CD99L2: variants seen among roughly 807,000 people sequenced by gnomAD.
CD99L2 encodes the protein CD99 molecule like 2.
A neutral mutation model predicts 27.3 loss-of-function variants in CD99L2; 24 were observed. The ratio of observed to expected loss-of-function variants is 0.88; its 90% CI spans 0.64 to 1.24. The LOEUF is 1.24. CD99L2 is among the 50% of genes most tolerant of loss of function. The pLI, the probability that CD99L2 is intolerant of heterozygous loss-of-function variation, is 0.00. For missense variants in CD99L2, 255 were observed against 221.6 expected, an observed-to-expected ratio of 1.15 and a Z score of -0.96; for synonymous variants, 97 against 87.9, an observed-to-expected ratio of 1.10 and a Z score of -0.58.
intron 4 of CD99L2, among the ~76,000 whole-genome samples, chrX:150,798,144 A>AGGG (rs2045831528): frequency 5.5e-5 from 2 of 36,045 alleles, no homozygotes; most frequent in African/African-American, 2.8e-4. Flanking sequence ...GGAAGGAAGG[A>AGGG]AGGGAGGGAG....
In CD99L2 at chrX:150,897,526, A is replaced by AGTGTGTGTGT. The variant is rs58656065; in HGVS notation, c.67+986_67+995dup. Among the ~76,000 whole-genome samples the AGTGTGTGTGT allele has an allele frequency of 6.1e-3, 633 of 103,828 alleles. 3 individuals carry two copies. Among genetic ancestry groups the AGTGTGTGTGT allele is most frequent in the African/African-American group, 0.021 (600 of 28,423 alleles). 90.2% of individuals were successfully genotyped at this position (103,828 alleles called of 115,157 possible). ...TTACTAGAACTCAGTACTAGGACAA[A>AGTGTGTGTGT]GTGTGTGTGTGTGTGTGTGTGTGTG... On this transcript the variant is annotated intron_variant, in intron 1 of 10. Coordinates refer to ENST00000370377, the MANE Select transcript of CD99L2 (RefSeq NM_031462.4).
chrX:150,819,863 C>T (rs1465861842), intron 2 of CD99L2, among the ~76,000 whole-genome samples: 1 of 111,697 alleles, frequency 9.0e-6, no homozygotes, highest in Non-Finnish European at 1.9e-5. Flanking sequence ...CCAAAAACTT[C>T]CCACAAATAA....
intron 1 of CD99L2, among the ~76,000 whole-genome samples, chrX:150,837,511 G>A (rs955216400): frequency 1.8e-5 from 2 of 111,970 alleles, no homozygotes; most frequent in African/African-American, 6.5e-5. Context: ...GCCTCCCAAA[G>A]TGCTGGGATT....
At chrX:150,787,418 G>A (rs2045611207) in intron 7 of CD99L2, among the ~76,000 whole-genome samples, 1 of 110,911 alleles carries the variant, frequency 9.0e-6, no homozygotes, top group Admixed American at 9.6e-5. Flanking sequence ...AAAAGGTAGG[G>A]GTCCAGCTTC....
chrX:150,874,054 C>T (rs1333227013), intron 1 of CD99L2, among the ~76,000 whole-genome samples: 3 of 112,492 alleles, frequency 2.7e-5, no homozygotes, highest in Non-Finnish European at 5.6e-5. Flanking sequence ...CACCATAAAC[C>T]AAAGACCTAT....
chrX:150,843,913 A>G (rs1557421410), intron 1 of CD99L2, among the ~76,000 whole-genome samples: 1 of 111,434 alleles, frequency 9.0e-6, no homozygotes, highest in African/African-American at 3.3e-5. Flanking sequence ...AGAGCTATTT[A>G]TCAAAAAGGA....
chrX:150,770,416 G>C (rs185349630), intron 9 of CD99L2, 47 bp from the exon 10 acceptor site: 3 of 1,131,830 alleles, frequency 2.7e-6, no homozygotes, highest in East Asian at 3.0e-5. Flanking sequence ...AGGACCTAAG[G>C]GTCCCCAATC....
At chrX:150,856,332 C>T (rs781844164) in intron 1 of CD99L2, among the ~76,000 whole-genome samples, 5 of 112,110 alleles carry the variant, frequency 4.5e-5, no homozygotes, top group South Asian at 3.7e-4. Flanking sequence ...CTCTACAGAA[C>T]GGAGGTCTGA....
At position 150,768,901 on chromosome X, in the gene CD99L2, T is replaced by G; in HGVS notation, c.*133A>C. On this transcript the variant is annotated 3_prime_UTR_variant, in exon 11 of 11. Coordinates refer to ENST00000370377, the MANE Select transcript of CD99L2 (RefSeq NM_031462.4). ...CAAACTCACAAACACCCAGAGCTCA[T>G]CCGGGAAACTCAGACCAACAAGGAG... is the stretch of plus-strand genomic sequence containing the variant. The G allele has an allele frequency of 9.4e-7, 1 of 1,058,428 alleles. No homozygotes were observed. The highest frequency in any genetic ancestry group is 1.2e-6 in the Non-Finnish European group (1 of 829,453). 87.2% of individuals were successfully genotyped at this position (1,058,428 alleles called of 1,213,427 possible). A position where few individuals can be genotyped will look rare whatever the true frequency, so the allele number is the denominator to read the frequency against.
chrX:150,824,177 A>AGGAGGAGAAGGAGG lies in CD99L2; in HGVS notation c.130+7053_130+7054insCCTCCTTCTCCTCC, dbSNP rs1569565998. ...GGAGGAGGAGGAGGAGGAGGAGGAG[A>AGGAGGAGAAGGAGG]AGGAGGAGGAGGAAGAAGAAGAGGA... On this transcript the variant is annotated intron_variant, in intron 2 of 10. Transcript: ENST00000370377. Among the ~76,000 whole-genome samples the AGGAGGAGAAGGAGG allele has an allele frequency of 1.6e-4, 2 of 12,455 alleles. 1 individual carries two copies. The highest frequency in any genetic ancestry group is 3.3e-4 in the African/African-American group (2 of 5,977). The allele number at this position is 12,455 out of a possible 115,157, so 10.8% of individuals were successfully genotyped here.
At chrX:150,812,314 A>G (rs1440675998) in intron 4 of CD99L2, among the ~76,000 whole-genome samples, 15 of 112,507 alleles carry the variant, frequency 1.3e-4, no homozygotes, top group African/African-American at 4.2e-4. Context: ...TATCTGACTA[A>G]GGACAAATGT....
intron 9 of CD99L2, among the ~76,000 whole-genome samples, chrX:150,774,398 A>T (rs782056832): frequency 5.4e-5 from 6 of 111,182 alleles, no homozygotes; most frequent in Non-Finnish European, 1.1e-4. Context: ...CCTCTAAAAC[A>T]GGGAGGGGAG....
intron 1 of CD99L2, among the ~76,000 whole-genome samples, chrX:150,896,402 AAATT>A (rs782651003): frequency 1.7e-4 from 19 of 112,223 alleles, no homozygotes; most frequent in Admixed American, 3.8e-4. Context: ...CGTCTCAAAA[AAATT>A]AATTAATTAA....
chrX:150,887,148 A>C (rs2047424507), intron 1 of CD99L2, among the ~76,000 whole-genome samples: 1 of 108,806 alleles, frequency 9.2e-6, no homozygotes, highest in African/African-American at 3.4e-5. Context: ...TGTCAAAAAA[A>C]AAAAAAAACA....
chrX:150,785,142 C>G (rs1557419519), intron 7 of CD99L2, among the ~76,000 whole-genome samples: 1 of 109,632 alleles, frequency 9.1e-6, no homozygotes, highest in Non-Finnish European at 1.9e-5. Context: ...ATCACAGGAA[C>G]CTGGCGGTCT....
chrX:150,825,542 A>G (rs2058893939), intron 2 of CD99L2, among the ~76,000 whole-genome samples: 1 of 112,412 alleles, frequency 8.9e-6, no homozygotes, highest in South Asian at 3.6e-4. Context: ...ATGTGGAATC[A>G]GTTGTTGTGT....
chrX:150,825,161 T>C (rs1352581580), intron 2 of CD99L2, among the ~76,000 whole-genome samples: 8 of 112,201 alleles, frequency 7.1e-5, no homozygotes, highest in Non-Finnish European at 1.5e-4. Context: ...ATAATTATAT[T>C]ATGATATAGA....
intron 1 of CD99L2, among the ~76,000 whole-genome samples, chrX:150,855,453 C>T (rs1439837952): frequency 5.4e-5 from 6 of 111,541 alleles, no homozygotes; most frequent in Non-Finnish European, 1.1e-4. Flanking sequence ...GGCACATCTT[C>T]ACATGGTGGA....
intron 2 of CD99L2, among the ~76,000 whole-genome samples, chrX:150,824,497 A>AAAG (rs201254718): frequency 0.22 from 19,763 of 90,098 alleles, 2,174 homozygotes; most frequent in South Asian, 0.29. Context: ...GAAGAAGAAG[A>AAAG]AAGAAGAAGA....
Sources: allele counts gnomAD v4.1 joint callset (sites outside exome capture counted in the v4.1 genomes callset), GRCh38; gene constraint gnomAD v4.1.1; transcripts MANE v1.5; gene names NCBI Gene and HGNC (gene_info 2026-07-23, HGNC 2026-07-21).